The following HPSE2 variants were observed in gnomAD, a reference collection of about 807,000 sequenced individuals.
HPSE2 encodes the protein heparanase 2 (inactive).
A neutral mutation model predicts 60.5 loss-of-function variants in HPSE2; 38 were observed. The ratio of observed to expected loss-of-function variants is 0.63; its 90% CI spans 0.48 to 0.82. The LOEUF is 0.82. Ranked by LOEUF, HPSE2 falls within the 40% of genes least tolerant of loss-of-function variation. The probability of loss-of-function intolerance (pLI) is 0.00; values close to 1 mark genes in which losing one functional copy is unlikely to be tolerated. For synonymous variants in HPSE2, 295 were observed against 293.2 expected (o/e 1.01, Z -0.06); for missense variants, 713 against 740.4 (o/e 0.96, Z 0.43).
At chr10:98,662,486 A>G (rs192616808) in intron 6 of HPSE2, among the ~76,000 whole-genome samples, 4 of 152,330 alleles carry the variant, frequency 2.6e-5, no homozygotes, top group Admixed American at 2.0e-4. Flanking sequence ...GTTCTCACTT[A>G]TAAGTGGGAG....
chr10:99,213,546 T>C (rs945960061), intron 2 of HPSE2, among the ~76,000 whole-genome samples: 1 of 152,104 alleles, frequency 6.6e-6, no homozygotes, highest in African/African-American at 2.4e-5. Context: ...TTGAGGCATA[T>C]ATCTTATACA....
chr10:99,298,588 T>C, the HPSE2 span, among the ~76,000 whole-genome samples: 2 of 152,228 alleles, frequency 1.3e-5, no homozygotes, highest in Non-Finnish European at 2.9e-5. Context: ...CTAGATATGG[T>C]TCTTTGTCAT....
Position 99,212,086 on chromosome 10 carries a change from G to A in HPSE2, c.448+20262C>T, listed in dbSNP as rs149843944. On this transcript the variant is annotated intron_variant, in intron 2 of 11. Transcript: ENST00000370552. ...AAAAGTATATGGAAAAATGTTCAAC[G>A]TCACTGATTATCAGGGAAATGCAAA... is the stretch of plus-strand genomic sequence containing the variant. Among the ~76,000 whole-genome samples the A allele has an allele frequency of 2.7e-3, 409 of 152,118 alleles. 1 individual carries two copies. The highest frequency in any genetic ancestry group is 9.2e-3 in the African/African-American group (382 of 41,528).
intron 11 of HPSE2, among the ~76,000 whole-genome samples, chr10:98,481,891 C>T (rs902895323): frequency 6.6e-6 from 1 of 152,210 alleles, no homozygotes; most frequent in South Asian, 2.1e-4. Context: ...GGTGGCCTTG[C>T]CCTTGACCAG....
At chr10:99,140,443 A>G (rs909846589) in intron 3 of HPSE2, among the ~76,000 whole-genome samples, 50 of 152,200 alleles carry the variant, frequency 3.3e-4, no homozygotes, top group African/African-American at 1.2e-3. Flanking sequence ...CTTTCACAAC[A>G]CAAATAAATT....
At chr10:98,516,336 G>A (rs1007798265) in intron 9 of HPSE2, among the ~76,000 whole-genome samples, 1 of 152,062 alleles carries the variant, frequency 6.6e-6, no homozygotes, top group Non-Finnish European at 1.5e-5. Context: ...GTATGTATTC[G>A]GTGCTTTATA....
chr10:99,099,061 G>A (rs781618135), intron 3 of HPSE2, among the ~76,000 whole-genome samples: 5 of 152,168 alleles, frequency 3.3e-5, no homozygotes, highest in African/African-American at 7.2e-5. Flanking sequence ...AGCTCCCAGC[G>A]TGAGTGATGC....
rs140153938 is a variant in HPSE2, at chr10:98,801,615, T to C, written c.611-57559A>G. Among the ~76,000 whole-genome samples, 218 of 151,940 alleles carry C rather than the reference T, an allele frequency of 1.4e-3. 1 individual carries two copies. The highest frequency in any genetic ancestry group is 0.012 in the Admixed American group (184 of 15,250). On this transcript the variant is annotated intron_variant, in intron 3 of 11. Coordinates refer to ENST00000370552, the MANE Select transcript of HPSE2 (RefSeq NM_021828.5). ...CCATGTACATTAGCCACAAATAAAA[T>C]TGAATACCTAGAAATTTCAAATAAG...
At chr10:99,140,345 T>C (rs1235329874) in intron 3 of HPSE2, among the ~76,000 whole-genome samples, 1 of 152,210 alleles carries the variant, frequency 6.6e-6, no homozygotes, top group Non-Finnish European at 1.5e-5. Context: ...CATAAAGGAA[T>C]ATTAGAAAGT....
the HPSE2 span, among the ~76,000 whole-genome samples, chr10:99,273,584 T>C: frequency 6.6e-6 from 1 of 152,120 alleles, no homozygotes; most frequent in Non-Finnish European, 1.5e-5. Context: ...TTTGGGAGAA[T>C]CAGGTCCAAG....
chr10:98,915,289 AGG>A (rs1954088133), intron 3 of HPSE2, among the ~76,000 whole-genome samples: 1 of 151,694 alleles, frequency 6.6e-6, no homozygotes, highest in Admixed American at 6.6e-5. Flanking sequence ...CTAAGACTAC[AGG>A]CACCCACCAC....
chr10:99,111,991 C>G (rs1474109250), intron 3 of HPSE2, among the ~76,000 whole-genome samples: 1 of 152,120 alleles, frequency 6.6e-6, no homozygotes, highest in Non-Finnish European at 1.5e-5. Context: ...TCTACATATC[C>G]CTAGTGAGTA....
chr10:99,023,173 C>A (rs1304398978), intron 3 of HPSE2, among the ~76,000 whole-genome samples: 1 of 151,998 alleles, frequency 6.6e-6, no homozygotes, highest in Non-Finnish European at 1.5e-5. Flanking sequence ...GACTTAAGAG[C>A]CCGTGGGTCT....
intron 2 of HPSE2, among the ~76,000 whole-genome samples, chr10:99,160,307 A>C (rs1397499133): frequency 1.3e-5 from 2 of 152,140 alleles, no homozygotes; most frequent in Non-Finnish European, 2.9e-5. Flanking sequence ...CAAATGGCTA[A>C]TAGCACATAA....
chr10:98,929,034 AAAAT>A (rs1170603799), intron 3 of HPSE2, among the ~76,000 whole-genome samples: 1 of 142,844 alleles, frequency 7.0e-6, no homozygotes, highest in African/African-American at 2.9e-5. Flanking sequence ...TTTAGTCTCA[AAAAT>A]AAAAGGAAAA....
At chr10:98,493,164 G>A (rs1013039800) in intron 9 of HPSE2, among the ~76,000 whole-genome samples, 23 of 152,150 alleles carry the variant, frequency 1.5e-4, no homozygotes, top group Admixed American at 1.5e-3. Flanking sequence ...CTTTTGTAAG[G>A]CTGAATAATA....
chr10:99,096,760 C>T (rs994043998), intron 3 of HPSE2, among the ~76,000 whole-genome samples: 6 of 151,974 alleles, frequency 3.9e-5, no homozygotes, highest in Non-Finnish European at 7.4e-5. Flanking sequence ...CAAAGGTTTC[C>T]GCATACCCCT....
chr10:98,984,402 C>A lies in HPSE2; in HGVS notation c.610+159836G>T, dbSNP rs542571892. Among the ~76,000 whole-genome samples the A allele has an allele frequency of 2.6e-5, 4 of 152,304 alleles. No homozygotes were observed. In the South Asian group the frequency reaches 8.3e-4, roughly 32 times the overall value. On this transcript the variant is annotated intron_variant, in intron 3 of 11. Transcript: ENST00000370552. Reference sequence around the variant, plus strand: ...AACAGGATCTGGAGTGGACCTCCAGCAAACTCCAACAGAACTGCAGCTGAG... The same window carrying A: ...AACAGGATCTGGAGTGGACCTCCAGAAAACTCCAACAGAACTGCAGCTGAG...
intron 2 of HPSE2, among the ~76,000 whole-genome samples, chr10:99,200,886 CA>C (rs1848554023): frequency 1.3e-5 from 2 of 152,134 alleles, no homozygotes; most frequent in Admixed American, 6.6e-5. Flanking sequence ...ATCTCACATA[CA>C]AAAGTACTTC....
Sources: gnomAD v4.1 joint callset for allele counts (sites outside exome capture counted in the v4.1 genomes callset) on GRCh38, gnomAD v4.1.1 for gene constraint, MANE v1.5 for transcripts, NCBI Gene and HGNC (gene_info 2026-07-23, HGNC 2026-07-21) for gene names.